Variants in TMEM232 observed in about 807,000 individuals in gnomAD.
The protein encoded by TMEM232 is transmembrane protein 232.
TMEM232 carries 80 observed loss-of-function variants against 78.8 expected under a neutral mutation model. The ratio of observed to expected loss-of-function variants is 1.01; its 90% CI spans 0.85 to 1.22. The LOEUF (loss-of-function observed/expected upper bound fraction) is 1.22, where lower values mean the gene tolerates loss of function less well. Among genes scored for constraint, TMEM232 ranks in the 50% most tolerant of loss-of-function variants. The pLI, the probability that TMEM232 is intolerant of heterozygous loss-of-function variation, is 0.00. For missense variants in TMEM232, 881 were observed against 742.2 expected, an observed-to-expected ratio of 1.19 and a Z score of -2.17; for synonymous variants, 297 against 254.3, an observed-to-expected ratio of 1.17 and a Z score of -1.60.
intron 12 of TMEM232, among the ~76,000 whole-genome samples, chr5:110,500,727 T>C (rs1326438284): frequency 6.6e-6 from 1 of 152,080 alleles, no homozygotes; most frequent in Admixed American, 6.6e-5. Flanking sequence ...TGACAGCAAA[T>C]TTTCACAATA....
At chr5:110,534,222 C>T (rs1038602478) in intron 11 of TMEM232, among the ~76,000 whole-genome samples, 2 of 152,212 alleles carry the variant, frequency 1.3e-5, no homozygotes, top group Non-Finnish European at 2.9e-5. Context: ...CTTCTCACCT[C>T]TATACAGTCT....
chr5:110,407,856 CA>C (rs1755848790), intron 2 of TMEM232, among the ~76,000 whole-genome samples: 1 of 151,884 alleles, frequency 6.6e-6, no homozygotes, highest in African/African-American at 2.4e-5. Flanking sequence ...AATTAGCCAT[CA>C]AAAAACCAGA....
chr5:110,510,613 C>A (rs1767607262), intron 12 of TMEM232, among the ~76,000 whole-genome samples: 1 of 152,062 alleles, frequency 6.6e-6, no homozygotes, highest in African/African-American at 2.4e-5. Context: ...CACCAAACAA[C>A]CCTATCAAAA....
chr5:110,668,592 C>T (rs1310769679), intron 1 of TMEM232, among the ~76,000 whole-genome samples: 1 of 151,982 alleles, frequency 6.6e-6, no homozygotes, highest in Non-Finnish European at 1.5e-5. Flanking sequence ...ATAGCAAGCT[C>T]TCCAGGAATT....
intron 3 of TMEM232, among the ~76,000 whole-genome samples, chr5:110,393,958 C>CAAAAAA (rs201803686): frequency 1.6e-5 from 1 of 60,774 alleles, no homozygotes; most frequent in Non-Finnish European, 3.8e-5. Context: ...AACTTCATCT[C>CAAAAAA]AAAAAAAAAA....
intron 10 of TMEM232, among the ~76,000 whole-genome samples, chr5:110,590,562 C>T (rs1779387003): frequency 6.6e-6 from 1 of 151,986 alleles, no homozygotes. Context: ...TCCCCCACCC[C>T]ACTCCACTCC....
intron 12 of TMEM232, among the ~76,000 whole-genome samples, chr5:110,455,429 G>C (rs184666657): frequency 2.1e-4 from 32 of 151,272 alleles, no homozygotes; most frequent in Non-Finnish European, 3.7e-4. Flanking sequence ...CCAGGCTGGA[G>C]TGCAGTGGCG....
chr5:110,572,251 C>G (rs1777035718), intron 10 of TMEM232, among the ~76,000 whole-genome samples: 1 of 151,894 alleles, frequency 6.6e-6, no homozygotes, highest in East Asian at 1.9e-4. Flanking sequence ...GTTCAATGTC[C>G]TGTAGTTTGT....
intron 12 of TMEM232, among the ~76,000 whole-genome samples, chr5:110,498,005 G>A (rs891961078): frequency 1.7e-4 from 26 of 152,058 alleles, no homozygotes; most frequent in African/African-American, 6.0e-4. Context: ...ACAGAAGATA[G>A]AAAATAAATG....
At chr5:110,396,660 C>T (rs1436324323) in intron 3 of TMEM232, among the ~76,000 whole-genome samples, 2 of 152,124 alleles carry the variant, frequency 1.3e-5, no homozygotes, top group African/African-American at 4.8e-5. Flanking sequence ...ATAAAAAATG[C>T]AGCCATATCA....
chr5:110,447,040 G>A (rs888264072), intron 12 of TMEM232, among the ~76,000 whole-genome samples: 8 of 151,674 alleles, frequency 5.3e-5, no homozygotes, highest in Admixed American at 3.9e-4. Context: ...ACCTCCCTCT[G>A]TAACTGTGCT....
At chr5:110,508,459 AATAAAG>A (rs1767224169) in intron 12 of TMEM232, among the ~76,000 whole-genome samples, 1 of 151,422 alleles carries the variant, frequency 6.6e-6, no homozygotes, top group African/African-American at 2.4e-5. Context: ...CTTGAGGGGT[AATAAAG>A]ATATTCTTGA....
intron 10 of TMEM232, among the ~76,000 whole-genome samples, chr5:110,568,861 G>T (rs1214459819): frequency 6.6e-6 from 1 of 151,686 alleles, no homozygotes; most frequent in Non-Finnish European, 1.5e-5. Context: ...CACCTAACTG[G>T]TATACTTCAT....
At chr5:110,406,162 C>T (rs377005590) in intron 2 of TMEM232, among the ~76,000 whole-genome samples, 1 of 151,834 alleles carries the variant, frequency 6.6e-6, no homozygotes, top group Non-Finnish European at 1.5e-5. Flanking sequence ...ATAGAACTCT[C>T]ATACATATCT....
intron 12 of TMEM232, among the ~76,000 whole-genome samples, chr5:110,475,162 TCCAGCAACAGAC>T (rs1763111795): frequency 6.6e-6 from 1 of 151,676 alleles, no homozygotes; most frequent in Non-Finnish European, 1.5e-5. Flanking sequence ...CAATAGAGAG[TCCAGCAACAGAC>T]CCAAATATAT....
chr5:110,574,515 G>A (rs1437863394), intron 10 of TMEM232, among the ~76,000 whole-genome samples: 2 of 152,024 alleles, frequency 1.3e-5, no homozygotes, highest in Non-Finnish European at 2.9e-5. Context: ...AATAGTTTAT[G>A]CTATAAGATT....
intron 10 of TMEM232, among the ~76,000 whole-genome samples, chr5:110,593,018 T>G (rs73224373): frequency 0.042 from 6,435 of 152,270 alleles, 441 homozygotes; most frequent in African/African-American, 0.15. Flanking sequence ...TCAGAATTGA[T>G]TGTTCTTGGA....
chr5:110,518,990 G>A (rs2149493145), intron 12 of TMEM232, among the ~76,000 whole-genome samples: 1 of 151,030 alleles, frequency 6.6e-6, no homozygotes, highest in South Asian at 2.1e-4. Flanking sequence ...TAGCTAAGGT[G>A]AATAAAAAGA....
intron 12 of TMEM232, among the ~76,000 whole-genome samples, chr5:110,478,972 T>G (rs1166322608): frequency 6.7e-6 from 1 of 150,174 alleles, no homozygotes; most frequent in Non-Finnish European, 1.5e-5. Flanking sequence ...TGGATTGGTA[T>G]CCTTGATTGG....
Sources: allele counts gnomAD v4.1 joint callset (sites outside exome capture counted in the v4.1 genomes callset), GRCh38; gene constraint gnomAD v4.1.1; transcripts MANE v1.5; gene names NCBI Gene and HGNC (gene_info 2026-07-23, HGNC 2026-07-21).